The following MAD1L1 variants were observed in gnomAD, a reference collection of about 807,000 sequenced individuals.
The protein encoded by MAD1L1 is mitotic spindle assembly checkpoint protein MAD1.
A neutral mutation model predicts 96.9 loss-of-function variants in MAD1L1; 95 were observed. The ratio of observed to expected loss-of-function variants is 0.98; its 90% confidence interval spans 0.83 to 1.16. MAD1L1 has a LOEUF of 1.16. Among genes scored for constraint, MAD1L1 ranks in the 50% most tolerant of loss-of-function variants. MAD1L1 has a pLI of 0.00. For synonymous variants in MAD1L1, 473 were observed against 396.6 expected (o/e 1.19, Z -2.29); for missense variants, 1,007 against 954.4 (o/e 1.06, Z -0.73).
rs1786033935 is a variant in MAD1L1 at position 2,088,345 on chromosome 7, G to A, written c.1074-19007C>T. On this transcript the variant is annotated intron_variant, in intron 11 of 18. Transcript: ENST00000265854. The surrounding 1 kb of genome is among the most constrained non-coding windows in gnomAD (Gnocchi z 4.4). ...AGCACGGTGGTCTCGTGCTACCCTG[G>A]TTCCGTGTCGGCGCCAGCCCTCCAA... is the stretch of plus-strand genomic sequence containing the variant. 6.6e-6 allele frequency among the ~76,000 whole-genome samples: 1 copy of A among 152,060 alleles called. No homozygotes were observed. Among genetic ancestry groups the A allele is most frequent in the Non-Finnish European group, 1.5e-5 (1 of 68,004 alleles).
chr7:1,938,991 ACACACACG>A (rs1207197037), intron 16 of MAD1L1, among the ~76,000 whole-genome samples: 4 of 122,232 alleles, frequency 3.3e-5, no homozygotes, highest in Non-Finnish European at 6.7e-5. Context: ...CCAGAGGCGC[ACACACACG>A]CACACACACA....
intron 5 of MAD1L1, among the ~76,000 whole-genome samples, chr7:2,221,751 A>T (rs6955439): frequency 0.045 from 6,816 of 152,294 alleles, 469 homozygotes; most frequent in African/African-American, 0.15. Flanking sequence ...AGATATGCAA[A>T]TCCAGACGTG....
At chr7:2,121,153 T>G (rs1427093465) in intron 11 of MAD1L1, among the ~76,000 whole-genome samples, 1 of 152,246 alleles carries the variant, frequency 6.6e-6, no homozygotes, top group Non-Finnish European at 1.5e-5. Context: ...CTGGACCAGG[T>G]GGCTCTGGGG....
chr7:1,874,301 G>A (rs2128658990), intron 18 of MAD1L1, among the ~76,000 whole-genome samples: 1 of 152,280 alleles, frequency 6.6e-6, no homozygotes, highest in South Asian at 2.1e-4. Flanking sequence ...GCACGGCCAG[G>A]CTGGGCCACA....
chr7:2,147,241 C>G (rs928323443), intron 11 of MAD1L1, among the ~76,000 whole-genome samples: 2 of 152,194 alleles, frequency 1.3e-5, no homozygotes, highest in African/African-American at 4.8e-5. Flanking sequence ...AAGGAGCAGA[C>G]CAGCCGCCCC....
At chr7:2,218,089 A>C in intron 6 of MAD1L1, 46 bp from the exon 7 acceptor site, 1 of 1,452,008 alleles carries the variant, frequency 6.9e-7, no homozygotes, top group Non-Finnish European at 9.7e-7. Flanking sequence ...GCATGCGGCA[A>C]GGCCAACAAT....
chr7:2,169,785 GGC>G (rs1790623869), intron 10 of MAD1L1, among the ~76,000 whole-genome samples: 1 of 131,288 alleles, frequency 7.6e-6, no homozygotes, highest in African/African-American at 3.2e-5. Flanking sequence ...TCGGAGCAGG[GGC>G]TGGACCACAG....
At chr7:2,095,121 C>T (rs954454824) in intron 11 of MAD1L1, among the ~76,000 whole-genome samples, 3 of 152,260 alleles carry the variant, frequency 2.0e-5, no homozygotes, top group East Asian at 1.9e-4. Flanking sequence ...CAGCTCACTA[C>T]AAGCTCCGCC....
intron 12 of MAD1L1, among the ~76,000 whole-genome samples, chr7:2,042,088 CAT>C (rs2128511248): frequency 6.6e-6 from 1 of 151,040 alleles, no homozygotes; most frequent in African/African-American, 2.4e-5. Flanking sequence ...TGTACACACA[CAT>C]CCACACACGC....
At chr7:2,136,616 G>A (rs1019234985) in intron 11 of MAD1L1, among the ~76,000 whole-genome samples, 1 of 152,136 alleles carries the variant, frequency 6.6e-6, no homozygotes, top group African/African-American at 2.4e-5. Context: ...GCCCCTTCCA[G>A]GGGCTCCTGT....
At chr7:2,023,784 A>C (rs1479434987) in intron 12 of MAD1L1, among the ~76,000 whole-genome samples, 3 of 152,038 alleles carry the variant, frequency 2.0e-5, no homozygotes, top group Non-Finnish European at 4.4e-5. Context: ...CCCCATCTCT[A>C]CTAAAAATAC....
chr7:1,896,403 T>C (rs1181075853), intron 18 of MAD1L1, among the ~76,000 whole-genome samples: 6 of 152,012 alleles, frequency 3.9e-5, no homozygotes, highest in Non-Finnish European at 7.4e-5. Context: ...ATGACGGGGA[T>C]GGACCTGGTG....
At chr7:1,887,818 T>TGC (rs1421633771) in intron 18 of MAD1L1, among the ~76,000 whole-genome samples, 2 of 58,900 alleles carry the variant, frequency 3.4e-5, no homozygotes, top group African/African-American at 1.6e-4. Context: ...TGTGTGTGTG[T>TGC]GCATGTGTGC....
chr7:1,990,187 G>A (rs568567915), intron 14 of MAD1L1, among the ~76,000 whole-genome samples: 48 of 152,358 alleles, frequency 3.2e-4, no homozygotes, highest in Admixed American at 2.2e-3. Flanking sequence ...AGGTGGTGAG[G>A]CTGAGGCCCA....
chr7:1,817,706 T>C (rs1241491771), intron 18 of MAD1L1, among the ~76,000 whole-genome samples: 1 of 152,108 alleles, frequency 6.6e-6, no homozygotes, highest in Non-Finnish European at 1.5e-5. Flanking sequence ...GAGGGTGAGC[T>C]GCATGTGTGT....
intron 18 of MAD1L1, among the ~76,000 whole-genome samples, chr7:1,893,530 G>A (rs547755820): frequency 2.0e-5 from 3 of 152,324 alleles, no homozygotes; most frequent in Admixed American, 6.5e-5. Flanking sequence ...CCAGCCCCCA[G>A]GTGGAGTGGG....
chr7:2,113,352 G>A (rs1300071777), intron 11 of MAD1L1, among the ~76,000 whole-genome samples: 1 of 152,182 alleles, frequency 6.6e-6, no homozygotes, highest in African/African-American at 2.4e-5. Context: ...GGCTGAGGTG[G>A]GTGGATCACC....
At chr7:2,070,448 C>T (rs1318739348) in intron 11 of MAD1L1, among the ~76,000 whole-genome samples, 1 of 152,152 alleles carries the variant, frequency 6.6e-6, no homozygotes, top group Non-Finnish European at 1.5e-5. Flanking sequence ...TGAGAGGCCG[C>T]CCGAGAGGAG....
intron 15 of MAD1L1, among the ~76,000 whole-genome samples, chr7:1,967,907 G>T (rs553929821): frequency 6.8e-6 from 1 of 147,608 alleles, no homozygotes; most frequent in African/African-American, 2.7e-5. Context: ...GAGCACGCGG[G>T]AAACTCCCTC....
Sources: gnomAD v4.1 joint callset for allele counts (sites outside exome capture counted in the v4.1 genomes callset) on GRCh38, gnomAD v4.1.1 for gene constraint, Gnocchi (gnomAD v3.1) non-coding constraint, MANE v1.5 for transcripts, NCBI Gene and HGNC (gene_info 2026-07-23, HGNC 2026-07-21) for gene names.